Variants in ARHGEF4 observed in about 807,000 individuals in gnomAD.
ARHGEF4 encodes Rho guanine nucleotide exchange factor 4.
Under a neutral mutation model 162.0 loss-of-function variants are expected in ARHGEF4, and 119 were observed. The ratio of observed to expected loss-of-function variants is 0.73; its 90% CI spans 0.63 to 0.86. The LOEUF is 0.86. ARHGEF4 is among the 40% of genes least tolerant of loss of function. The pLI, the probability that ARHGEF4 is intolerant of heterozygous loss-of-function variation, is 0.00. For missense variants in ARHGEF4, 2,488 were observed against 2,456.0 expected (o/e 1.01, Z -0.28); for synonymous variants, 1,014 against 979.9 (o/e 1.03, Z -0.65).
intron 1 of ARHGEF4, among the ~76,000 whole-genome samples, chr2:130,869,055 A>C (rs1682499311): frequency 1.3e-5 from 2 of 152,212 alleles, no homozygotes; most frequent in Non-Finnish European, 2.9e-5. Context: ...CCTAAAAGGC[A>C]ACAGTCACAG....
chr2:131,016,896 A>C (rs1285024311), intron 4 of ARHGEF4, among the ~76,000 whole-genome samples: 1 of 152,226 alleles, frequency 6.6e-6, no homozygotes, highest in Non-Finnish European at 1.5e-5. Context: ...GGGTGGGCAG[A>C]GCTACCTGCC....
intron 4 of ARHGEF4, among the ~76,000 whole-genome samples, chr2:130,989,916 T>C (rs1047729093): frequency 6.6e-6 from 1 of 152,256 alleles, no homozygotes; most frequent in African/African-American, 2.4e-5. Flanking sequence ...GGACAGCTTC[T>C]AGTCCAGTAT....
At chr2:130,988,901 TAGAGAGAGAGAG>T (rs368452142) in intron 4 of ARHGEF4, among the ~76,000 whole-genome samples, 46 of 113,380 alleles carry the variant, frequency 4.1e-4, no homozygotes, top group African/African-American at 1.5e-3. Flanking sequence ...TATATATATA[TAGAGAGAGAGAG>T]AGAGAGAGAG....
At chr2:130,887,191 C>T (rs2104977093) in intron 1 of ARHGEF4, among the ~76,000 whole-genome samples, 1 of 152,010 alleles carries the variant, frequency 6.6e-6, no homozygotes, top group Non-Finnish European at 1.5e-5. Flanking sequence ...TGGAGCTGGG[C>T]ATGGTGGCAT....
intron 4 of ARHGEF4, chr2:131,012,040 C>T (rs1688486586): frequency 7.7e-6 from 5 of 648,854 alleles, no homozygotes; most frequent in Admixed American, 4.5e-5. Context: ...CAAAATTATC[C>T]TTGCCAAGAT....
At chr2:130,957,592 G>C (rs115098770) in intron 4 of ARHGEF4, among the ~76,000 whole-genome samples, 1 of 152,090 alleles carries the variant, frequency 6.6e-6, no homozygotes. Flanking sequence ...TTGTACACTC[G>C]TGGGCTGGAT....
intron 4 of ARHGEF4, 73 bp from the exon 5 acceptor site, chr2:131,027,872 C>T (rs200909023): frequency 5.4e-5 from 85 of 1,572,988 alleles, no homozygotes; most frequent in Non-Finnish European, 5.2e-6. Flanking sequence ...CCACTGGGCT[C>T]CTTCTCCACG....
intron 4 of ARHGEF4, among the ~76,000 whole-genome samples, chr2:131,020,431 T>C (rs9798231): frequency 0.94 from 140,376 of 150,072 alleles, 65,830 homozygotes; most frequent in Non-Finnish European, 0.98. Flanking sequence ...TGAGTGAGAA[T>C]ATGCGGTGTT....
intron 9 of ARHGEF4, 69 bp from the exon 10 acceptor site, chr2:131,041,746 G>A (rs1573706883): frequency 9.5e-6 from 15 of 1,570,722 alleles, no homozygotes; most frequent in Non-Finnish European, 1.2e-5. Flanking sequence ...ACACGTGGGG[G>A]CTGCAGGGGA....
intron 1 of ARHGEF4, among the ~76,000 whole-genome samples, chr2:130,855,080 A>G (rs1172772930): frequency 2.6e-5 from 4 of 151,332 alleles, no homozygotes. Flanking sequence ...GGGTTTCACC[A>G]TTCATAGGAT....
intron 4 of ARHGEF4, among the ~76,000 whole-genome samples, chr2:130,959,416 C>T (rs1348118860): frequency 6.6e-6 from 1 of 152,222 alleles, no homozygotes; most frequent in Non-Finnish European, 1.5e-5. Flanking sequence ...TGGTTCAAAG[C>T]ATGAGTGGCG....
At chr2:130,847,810 T>C (rs1248700765) in intron 1 of ARHGEF4, among the ~76,000 whole-genome samples, 1 of 152,228 alleles carries the variant, frequency 6.6e-6, no homozygotes, top group Admixed American at 6.5e-5. Context: ...GAGTCAGGCA[T>C]GGAAGGCGGC....
intron 2 of ARHGEF4, among the ~76,000 whole-genome samples, chr2:130,926,651 AT>A (rs1215334891): frequency 6.6e-6 from 1 of 152,034 alleles, no homozygotes; most frequent in Admixed American, 6.6e-5. Context: ...TGGGTGTTTC[AT>A]TTACTAATAG....
intron 5 of ARHGEF4, among the ~76,000 whole-genome samples, chr2:131,036,632 A>G (rs73960396): frequency 0.18 from 27,154 of 152,178 alleles, 3,741 homozygotes; most frequent in African/African-American, 0.38. Flanking sequence ...CATAAAGGAA[A>G]GGGGAATGGG....
At chr2:130,882,115 T>C (rs1376560896) in intron 1 of ARHGEF4, among the ~76,000 whole-genome samples, 1 of 152,082 alleles carries the variant, frequency 6.6e-6, no homozygotes, top group African/African-American at 2.4e-5. Flanking sequence ...GCTTTCCCAA[T>C]TGTCTTAGCT....
intron 1 of ARHGEF4, among the ~76,000 whole-genome samples, chr2:130,857,362 A>G (rs940858905): frequency 2.5e-5 from 3 of 119,982 alleles, no homozygotes; most frequent in African/African-American, 6.6e-5. Context: ...TGGAAACACA[A>G]TATGTGCAAC....
At chr2:130,904,296 A>G (rs1680682183) in intron 1 of ARHGEF4, among the ~76,000 whole-genome samples, 1 of 151,998 alleles carries the variant, frequency 6.6e-6, no homozygotes, top group South Asian at 2.1e-4. Context: ...CTGCTTCTTG[A>G]TATGAGGAGT....
chr2:130,847,140 C>T (rs747818763), intron 1 of ARHGEF4, among the ~76,000 whole-genome samples: 2 of 152,194 alleles, frequency 1.3e-5, no homozygotes, highest in Non-Finnish European at 2.9e-5. Context: ...CAGCCTTGCC[C>T]CTGCCGGACA....
chr2:130,882,097 C>A (rs540985559), intron 1 of ARHGEF4, among the ~76,000 whole-genome samples: 1 of 152,246 alleles, frequency 6.6e-6, no homozygotes, highest in African/African-American at 2.4e-5. Flanking sequence ...AAAGAAATCC[C>A]CAAGCCCGCT....
Sources: gnomAD v4.1 joint callset for allele counts (sites outside exome capture counted in the v4.1 genomes callset) on GRCh38, gnomAD v4.1.1 for gene constraint, MANE v1.5 for transcripts, NCBI Gene and HGNC (gene_info 2026-07-23, HGNC 2026-07-21) for gene names.